Variants in DNM3 observed in about 807,000 individuals in gnomAD.
DNM3 encodes the protein dynamin-3.
In DNM3, 47 loss-of-function variants were observed where a neutral mutation model predicts 101.6. The ratio of observed to expected loss-of-function variants is 0.46; its 90% CI spans 0.37 to 0.59. The LOEUF (loss-of-function observed/expected upper bound fraction) is 0.59, where lower values mean the gene tolerates loss of function less well. DNM3 is among the 20% of genes least tolerant of loss of function. DNM3 has a pLI of 0.00. For missense variants in DNM3, 849 were observed against 1,085.7 expected, an observed-to-expected ratio of 0.78 and a Z score of 3.06; for synonymous variants, 385 against 387.9, an observed-to-expected ratio of 0.99 and a Z score of 0.09.
chr1:171,991,509 C>T (rs956879690), intron 4 of DNM3, among the ~76,000 whole-genome samples: 3 of 152,142 alleles, frequency 2.0e-5, no homozygotes, highest in Admixed American at 6.6e-5. Context: ...GTATGAGAAG[C>T]GATGTGGAGC....
intron 13 of DNM3, 134 bp from the exon 14 acceptor site, chr1:172,131,041 G>A (rs2056910764): frequency 1.4e-6 from 1 of 729,980 alleles, no homozygotes; most frequent in Non-Finnish European, 2.3e-6. Flanking sequence ...TAACTCAATG[G>A]AAGTTGAGTT....
chr1:171,855,398 A>G (rs1412933474), intron 1 of DNM3, among the ~76,000 whole-genome samples: 1 of 152,194 alleles, frequency 6.6e-6, no homozygotes, highest in East Asian at 1.9e-4. Flanking sequence ...ATACCCAGTA[A>G]TGGGATTGTT....
chr1:172,339,178 T>C, intron 17 of DNM3: 1 of 366,694 alleles, frequency 2.7e-6, no homozygotes, highest in Middle Eastern at 3.8e-4. Flanking sequence ...TGGGATTATT[T>C]TACAGTCTAC....
chr1:172,308,929 T>A (rs1171556765), intron 16 of DNM3, 90 bp downstream of exon 16: 3 of 651,180 alleles, frequency 4.6e-6, no homozygotes, highest in East Asian at 6.5e-5. Context: ...GAGAAACTAG[T>A]TTTCTTACTG....
intron 2 of DNM3, among the ~76,000 whole-genome samples, chr1:171,944,489 C>G (rs1242324406): frequency 1.3e-5 from 2 of 151,938 alleles, no homozygotes; most frequent in Non-Finnish European, 2.9e-5. Flanking sequence ...TATCCTCCCA[C>G]TACCCGCTGC....
intron 1 of DNM3, among the ~76,000 whole-genome samples, chr1:171,902,662 C>CGTA (rs1216466166): frequency 1.6e-4 from 25 of 151,528 alleles, no homozygotes; most frequent in African/African-American, 5.1e-4. Context: ...TGTTACCTAC[C>CGTA]GTCTTTTATG....
chr1:172,146,514 C>G (rs1372834333), intron 14 of DNM3, among the ~76,000 whole-genome samples: 1 of 152,042 alleles, frequency 6.6e-6, no homozygotes, highest in Non-Finnish European at 1.5e-5. Flanking sequence ...TCTTTAGGAC[C>G]TATTCAATAG....
intron 15 of DNM3, among the ~76,000 whole-genome samples, chr1:172,290,561 G>A (rs540131968): frequency 2.6e-5 from 4 of 152,234 alleles, no homozygotes; most frequent in African/African-American, 7.2e-5. Context: ...TTTTCCACTC[G>A]CCGTGAGAAG....
Position 172,387,268 on chromosome 1 carries a change from G to C in DNM3, c.2194G>C (p.Ala732Pro). ...MLRMYQALKE[A>P]LGIIGDISTA... is the part of the protein sequence containing the mutation. ...TCGAATGTATCAAGCACTGAAAGAA[G>C]CCCTTGGGATAATTGGGGACATCAG... The change falls in exon 19 of 21, where the codon GCC (alanine) becomes CCC (proline). Residue 732 changes from alanine (A) to proline (P), a missense_variant. Physicochemically the swap from Ala to Pro is conservative, Grantham distance 27. Coordinates refer to ENST00000627582, the MANE Select transcript of DNM3 (RefSeq NM_015569.5). The C allele has an allele frequency of 6.2e-7, 1 of 1,613,978 alleles. No individual in the cohort carries two copies. The highest frequency in any genetic ancestry group is 8.5e-7 in the Non-Finnish European group (1 of 1,179,882).
chr1:171,901,116 A>C (rs886673666), intron 1 of DNM3, among the ~76,000 whole-genome samples: 6 of 146,888 alleles, frequency 4.1e-5, no homozygotes, highest in Admixed American at 2.7e-4. Context: ...CTGTCTCAAA[A>C]AAAAAAAAAA....
At chr1:171,905,399 T>C (rs911499415) in intron 1 of DNM3, among the ~76,000 whole-genome samples, 1 of 152,194 alleles carries the variant, frequency 6.6e-6, no homozygotes, top group African/African-American at 2.4e-5. Flanking sequence ...AGATATTGCC[T>C]GCCTTGCTTA....
chr1:172,217,524 C>T (rs1327371391), intron 14 of DNM3, among the ~76,000 whole-genome samples: 1 of 143,096 alleles, frequency 7.0e-6, no homozygotes, highest in African/African-American at 2.4e-5. Context: ...GATGTGTTTC[C>T]TCATAGACTT....
chr1:171,854,932 G>A (rs2033434329), intron 1 of DNM3, among the ~76,000 whole-genome samples: 1 of 151,962 alleles, frequency 6.6e-6, no homozygotes, highest in Non-Finnish European at 1.5e-5. Flanking sequence ...TTGTTTTATA[G>A]GTAAACTTGT....
At chr1:172,197,488 T>G (rs545138837) in intron 14 of DNM3, among the ~76,000 whole-genome samples, 202 of 152,282 alleles carry the variant, frequency 1.3e-3, no homozygotes, top group Middle Eastern at 3.4e-3. Flanking sequence ...AATCTGTAAA[T>G]TGCTTTGGGC....
chr1:172,063,379 T>C (rs567442198), intron 10 of DNM3, among the ~76,000 whole-genome samples: 2 of 152,216 alleles, frequency 1.3e-5, no homozygotes, highest in East Asian at 3.9e-4. Context: ...TGTTTTTTTT[T>C]TTCTCTAGGA....
At chr1:171,897,925 T>C (rs2037956098) in intron 1 of DNM3, among the ~76,000 whole-genome samples, 1 of 152,244 alleles carries the variant, frequency 6.6e-6, no homozygotes, top group East Asian at 1.9e-4. Flanking sequence ...CGGTTCATTT[T>C]TTTTTTTGAC....
intron 13 of DNM3, among the ~76,000 whole-genome samples, chr1:172,130,138 G>A (rs2056858918): frequency 6.6e-6 from 1 of 152,068 alleles, no homozygotes; most frequent in South Asian, 2.1e-4. Context: ...GATTATTAGG[G>A]TATTTTCATC....
chr1:171,987,689 A>C lies in DNM3; in HGVS notation c.269A>C (p.Lys90Thr). ...YAEFLHCKGK[K>T]FTDFDEVRLE... ...GAGTTTCTACATTGCAAAGGAAAGA[A>C]ATTTACAGATTTTGATGAAGTTCGC... is the stretch of plus-strand genomic sequence containing the variant. The change falls in exon 3 of 21, where the codon AAA becomes ACA. Residue 90 changes from lysine (K) to threonine (T), a missense_variant. This residue lies in a region of DNM3 where 388 missense variants were observed against 483.0 expected (regional missense o/e 0.80). Transcript: ENST00000627582. 1 of 1,593,324 alleles carries C rather than the reference A, an allele frequency of 6.3e-7. No individual in the cohort carries two copies. Among genetic ancestry groups the C allele is most frequent in the Non-Finnish European group, 8.5e-7 (1 of 1,171,302 alleles).
chr1:172,302,186 T>C (rs923104758), intron 15 of DNM3, among the ~76,000 whole-genome samples: 1 of 152,228 alleles, frequency 6.6e-6, no homozygotes, highest in African/African-American at 2.4e-5. Flanking sequence ...GCTTTTCCAA[T>C]GGTCTTAGCA....
Sources: allele counts gnomAD v4.1 joint callset (sites outside exome capture counted in the v4.1 genomes callset), GRCh38; gene constraint gnomAD v4.1.1; regional missense constraint gnomAD v4.1.1; transcripts MANE v1.5; gene names NCBI Gene and HGNC (gene_info 2026-07-23, HGNC 2026-07-21).